The following DSTYK variants were observed in gnomAD, a reference collection of about 807,000 sequenced individuals.
DSTYK encodes the protein RIP-homologous kinase.
In DSTYK, 34 loss-of-function variants were observed where a neutral mutation model predicts 98.7. That is an observed-to-expected ratio of 0.34 (90% CI 0.26 to 0.46). The LOEUF (loss-of-function observed/expected upper bound fraction) is 0.46. Among genes scored for constraint, DSTYK ranks in the 20% least tolerant of loss-of-function variants. DSTYK has a pLI of 1.00. For missense variants in DSTYK, 962 were observed against 1,181.7 expected (o/e 0.81, Z 2.73); for synonymous variants, 462 against 457.3 (o/e 1.01, Z -0.13).
intron 1 of DSTYK, among the ~76,000 whole-genome samples, chr1:205,204,788 A>T (rs1357785437): frequency 1.3e-5 from 2 of 152,122 alleles, no homozygotes; most frequent in Admixed American, 6.6e-5. Flanking sequence ...GCAACCACTA[A>T]TCTACTTTCT....
In DSTYK at chr1:205,211,580, G is replaced by C. The variant is rs555157122; in HGVS notation, c.-45C>G. On this transcript the variant is annotated 5_prime_UTR_variant, in exon 1 of 13. Coordinates refer to ENST00000367162, the MANE Select transcript of DSTYK (RefSeq NM_015375.3). Reference sequence around the variant, plus strand: ...TTTGCGGCTCGGTCCCCGGCCGCAGGCCCGGCCTCCCTCCTCCCCGCCCCC... The same window carrying C: ...TTTGCGGCTCGGTCCCCGGCCGCAGCCCCGGCCTCCCTCCTCCCCGCCCCC... 1.1e-5 allele frequency: 16 copies of C among 1,409,066 alleles called. No homozygotes were observed. Among genetic ancestry groups the C allele is most frequent in the African/African-American group, 1.5e-5 (1 of 65,836 alleles). 87.3% of individuals were successfully genotyped at this position (1,409,066 alleles called of 1,614,324 possible). A position where few individuals can be genotyped will look rare whatever the true frequency, so the allele number is the denominator to read the frequency against.
chr1:205,202,834 C>G (rs1264431630), intron 1 of DSTYK: 1 of 466,586 alleles, frequency 2.1e-6, no homozygotes, highest in Non-Finnish European at 3.9e-6. Context: ...TGAGCAGAGC[C>G]TATATTAACT....
At chr1:205,180,277 C>T (rs1034969315) in intron 2 of DSTYK, among the ~76,000 whole-genome samples, 6 of 151,724 alleles carry the variant, frequency 4.0e-5, no homozygotes, top group Non-Finnish European at 5.9e-5. Flanking sequence ...CCCCAGCCCC[C>T]GACAGGCCCC....
intron 2 of DSTYK, among the ~76,000 whole-genome samples, chr1:205,172,586 A>C (rs577215941): frequency 7.2e-5 from 11 of 151,912 alleles, no homozygotes; most frequent in African/African-American, 2.7e-4. Flanking sequence ...AAGTGCTGAG[A>C]TTACAGGTGT....
In DSTYK at chr1:205,169,923, T is replaced by C. The variant is rs1360288763; in HGVS notation, c.655-91A>G. 10 of 1,250,914 alleles carry C rather than the reference T, an allele frequency of 8.0e-6. No homozygotes were observed. The highest frequency in any genetic ancestry group is 1.5e-5 in the South Asian group (1 of 67,288). 77.5% of individuals were successfully genotyped at this position (1,250,914 alleles called of 1,614,324 possible). ...TCCCACACTGAGACCAAAATCCTGA[T>C]CTACAATGGAACAATTGGACTTCGG... On this transcript the variant is annotated intron_variant, in intron 2 of 12. Coordinates refer to ENST00000367162, the MANE Select transcript of DSTYK (RefSeq NM_015375.3). The surrounding 1 kb of genome is among the most constrained non-coding windows in gnomAD (Gnocchi z 4.0).
chr1:205,201,643 C>T (rs1337844560), intron 1 of DSTYK, among the ~76,000 whole-genome samples: 2 of 152,042 alleles, frequency 1.3e-5, no homozygotes, highest in East Asian at 3.9e-4. Flanking sequence ...ATTTATTTGC[C>T]CATTATGTAC....
chr1:205,142,628 G>T lies in DSTYK; in HGVS notation c.*4930C>A, dbSNP rs1657105215. ...TTACACTAATGAAGATTAACCCAGA[G>T]TCGCATCTCTTCAAAATGCACACAA... is the stretch of plus-strand genomic sequence containing the variant. On this transcript the variant is annotated 3_prime_UTR_variant, in exon 13 of 13. Coordinates refer to ENST00000367162, the MANE Select transcript of DSTYK (RefSeq NM_015375.3). 1 of 152,316 alleles carries T rather than the reference G, an allele frequency of 6.6e-6. No individual in the cohort carries two copies. The allele number at this position is 152,316 out of a possible 1,614,324, so 9.4% of individuals were successfully genotyped here.
chr1:205,178,441 GA>G (rs1658297952), intron 2 of DSTYK, among the ~76,000 whole-genome samples: 1 of 152,066 alleles, frequency 6.6e-6, no homozygotes, highest in African/African-American at 2.4e-5. Context: ...TTGAGAGAGA[GA>G]GACAAAATAT....
chr1:205,147,599 T>G lies in DSTYK; in HGVS notation c.2749A>C (p.Asn917His). 1 of 1,613,624 alleles carries G rather than the reference T, an allele frequency of 6.2e-7. No individual in the cohort carries two copies. Among genetic ancestry groups the G allele is most frequent in the Non-Finnish European group, 8.5e-7 (1 of 1,179,516 alleles). ...AGTCCTCTGTTTGGCTGCTCAGAATTGGACTTGCAGAGCCGATTCATGATG... is the reference window on the plus strand; with the variant it reads ...AGTCCTCTGTTTGGCTGCTCAGAATGGGACTTGCAGAGCCGATTCATGATG... The part of the protein sequence containing the change: ...QGIMNRLCKS[N>H]SEQPNRGLDD... Residue 917 changes from asparagine (N) to histidine (H), a missense_variant, in exon 13 of 13, where the codon AAT becomes CAT. Coordinates refer to ENST00000367162, the MANE Select transcript of DSTYK (RefSeq NM_015375.3).
Position 205,147,668 on chromosome 1 carries a change from A to G in DSTYK, c.2680T>C (p.Leu894=). The G allele has an allele frequency of 6.2e-7, 1 of 1,614,192 alleles. No homozygotes were observed. Among genetic ancestry groups the G allele is most frequent in the Non-Finnish European group, 8.5e-7 (1 of 1,180,024 alleles). Residue 894 remains leucine, a synonymous_variant, in exon 13 of 13, where the codon TTG becomes CTG. Transcript: ENST00000367162. ...ACAATGCCCAAGAGAGGCCTCTTCA[A>G]GGGGTCGCCATCCCAACAGGCTTCC... is the stretch of plus-strand genomic sequence containing the variant. The part of the protein sequence containing the change: ...LMEACWDGDP[L]KRPLLGIVQP...
intron 1 of DSTYK, among the ~76,000 whole-genome samples, chr1:205,198,077 CAGCTACTCGGTAGGCT>C (rs1658918305): frequency 6.6e-6 from 1 of 152,086 alleles, no homozygotes; most frequent in Non-Finnish European, 1.5e-5. Context: ...CCTGTAATCC[CAGCTACTCGGTAGGCT>C]GAGGCAGAAG....
chr1:205,147,468 C>T lies in DSTYK; in HGVS notation c.*90G>A. 2 of 1,434,752 alleles carry T rather than the reference C, an allele frequency of 1.4e-6. No individual in the cohort carries two copies. Among genetic ancestry groups the T allele is most frequent in the Non-Finnish European group, 1.9e-6 (2 of 1,043,586 alleles). The allele number at this position is 1,434,752 out of a possible 1,614,324, so 88.9% of individuals were successfully genotyped here. A position where few individuals can be genotyped will look rare whatever the true frequency, so the allele number is the denominator to read the frequency against. ...AGCACCAGTTCCCTTGGGAGTGTGT[C>T]CTATAGTGAATAAATGTCAAATTCT... On this transcript the variant is annotated 3_prime_UTR_variant, in exon 13 of 13. Transcript: ENST00000367162.
chr1:205,157,555 C>T (rs148257281), intron 9 of DSTYK, among the ~76,000 whole-genome samples, 169 bp from the exon 10 acceptor site: 321 of 152,226 alleles, frequency 2.1e-3, no homozygotes, highest in Non-Finnish European at 3.7e-3. Flanking sequence ...TCAAGAATTT[C>T]AAGACCAGCC....
chr1:205,196,437 G>A (rs1022070621), intron 1 of DSTYK, among the ~76,000 whole-genome samples: 2 of 152,140 alleles, frequency 1.3e-5, no homozygotes, highest in Non-Finnish European at 2.9e-5. Context: ...TGTGCCTGTA[G>A]TCCCAGATAC....
intron 2 of DSTYK, among the ~76,000 whole-genome samples, chr1:205,181,013 A>G (rs1658381712): frequency 6.6e-6 from 1 of 152,250 alleles, no homozygotes. Context: ...TTTATAATTT[A>G]GCATTTACCT....
At chr1:205,199,916 G>C (rs1658977980) in intron 1 of DSTYK, among the ~76,000 whole-genome samples, 1 of 152,152 alleles carries the variant, frequency 6.6e-6, no homozygotes, top group Non-Finnish European at 1.5e-5. Flanking sequence ...AGCTCTAATA[G>C]TAATCTTCAT....
chr1:205,158,566 AT>A (rs1200247344), intron 9 of DSTYK, among the ~76,000 whole-genome samples: 1 of 152,152 alleles, frequency 6.6e-6, no homozygotes, highest in Non-Finnish European at 1.5e-5. Context: ...AATTCTTAAC[AT>A]TTTGGGTCTT....
intron 2 of DSTYK, among the ~76,000 whole-genome samples, chr1:205,171,454 TAAAAAAA>T (rs10536424): frequency 2.6e-5 from 3 of 115,176 alleles, no homozygotes; most frequent in African/African-American, 9.7e-5. Flanking sequence ...CTGTCTCAAT[TAAAAAAA>T]AAAAAAAAAA....
At chr1:205,154,039 G>A (rs544536459) in intron 10 of DSTYK, among the ~76,000 whole-genome samples, 122 of 141,004 alleles carry the variant, frequency 8.7e-4, no homozygotes, top group African/African-American at 3.0e-3. Context: ...ATATAGCTCA[G>A]TAAAAAAGTA....
Sources: allele counts gnomAD v4.1 joint callset (sites outside exome capture counted in the v4.1 genomes callset), GRCh38; gene constraint gnomAD v4.1.1; non-coding constraint Gnocchi (gnomAD v3.1); transcripts MANE v1.5; gene names NCBI Gene and HGNC (gene_info 2026-07-23, HGNC 2026-07-21).